The following NTRK2 variants were observed in gnomAD, a reference collection of about 807,000 sequenced individuals.
NTRK2 encodes BDNF/NT-3 growth factors receptor.
A neutral mutation model predicts 94.5 loss-of-function variants in NTRK2; 13 were observed. The observed-to-expected ratio is 0.14, with a 90% CI of 0.09 to 0.22. NTRK2 has a LOEUF of 0.22. Ranked by LOEUF, NTRK2 falls within the 10% of genes least tolerant of loss-of-function variation. The pLI is 1.00. For synonymous variants in NTRK2, 372 were observed against 407.4 expected, an observed-to-expected ratio of 0.91 and a Z score of 1.05; for missense variants, 639 against 1,071.2, an observed-to-expected ratio of 0.60 and a Z score of 5.63.
At chr9:84,957,991 A>G (rs896848080) in intron 17 of NTRK2, among the ~76,000 whole-genome samples, 15 of 152,228 alleles carry the variant, frequency 9.9e-5, no homozygotes, top group South Asian at 4.1e-4. Flanking sequence ...AGTCAGACAC[A>G]AAAGGCCACA....
intron 14 of NTRK2, among the ~76,000 whole-genome samples, chr9:84,910,115 C>T (rs1161397170): frequency 6.6e-6 from 1 of 152,102 alleles, no homozygotes; most frequent in East Asian, 1.9e-4. Context: ...TTTTTATACA[C>T]AATGTGAGAC....
intron 12 of NTRK2, among the ~76,000 whole-genome samples, chr9:84,800,445 C>G (rs1355472385): frequency 6.6e-6 from 1 of 152,188 alleles, no homozygotes; most frequent in Non-Finnish European, 1.5e-5. Flanking sequence ...AGGTGATCTG[C>G]CTGCCTCGGC....
chr9:84,821,776 C>T (rs1208423657), intron 12 of NTRK2, among the ~76,000 whole-genome samples: 5 of 149,488 alleles, frequency 3.3e-5, no homozygotes, highest in African/African-American at 4.9e-5. Flanking sequence ...CTGAAGGTTT[C>T]CTTATAATAT....
At chr9:84,967,030 T>C (rs1825633648) in intron 17 of NTRK2, among the ~76,000 whole-genome samples, 1 of 152,182 alleles carries the variant, frequency 6.6e-6, no homozygotes, top group South Asian at 2.1e-4. Context: ...AGAGCTTAGG[T>C]TCATTGAACC....
intron 17 of NTRK2, among the ~76,000 whole-genome samples, chr9:84,999,629 T>C (rs1483656028): frequency 3.9e-5 from 6 of 152,230 alleles, no homozygotes; most frequent in Non-Finnish European, 8.8e-5. Context: ...AAAAATCCTA[T>C]GTGGAAGAGA....
intron 12 of NTRK2, among the ~76,000 whole-genome samples, chr9:84,757,711 T>A (rs2065207097): frequency 6.6e-6 from 1 of 152,254 alleles, no homozygotes; most frequent in South Asian, 2.1e-4. Context: ...GTAATTGCTC[T>A]ATAAATATGT....
intron 16 of NTRK2, among the ~76,000 whole-genome samples, chr9:84,954,165 TGA>T (rs904507090): frequency 2.6e-5 from 4 of 152,240 alleles, no homozygotes; most frequent in African/African-American, 9.6e-5. Context: ...CAAAACGTCT[TGA>T]GAGAGATCTT....
intron 17 of NTRK2, among the ~76,000 whole-genome samples, chr9:85,004,798 G>A (rs146987304): frequency 9.3e-4 from 141 of 152,290 alleles, no homozygotes; most frequent in Non-Finnish European, 1.8e-3. Flanking sequence ...AAGGGTGACC[G>A]CCTTAGCAGT....
intron 12 of NTRK2, among the ~76,000 whole-genome samples, chr9:84,828,304 C>T (rs2073313805): frequency 6.6e-6 from 1 of 152,162 alleles, no homozygotes; most frequent in Non-Finnish European, 1.5e-5. Context: ...GTTGCCATGA[C>T]AACGCAGAAC....
intron 14 of NTRK2, chr9:84,873,098 T>C: frequency 9.4e-7 from 1 of 1,064,510 alleles, no homozygotes; most frequent in Non-Finnish European, 1.1e-6. Context: ...AGAGATTATC[T>C]GCAGACTTCA....
At chr9:84,964,928 T>C (rs1825378404) in intron 17 of NTRK2, among the ~76,000 whole-genome samples, 1 of 152,268 alleles carries the variant, frequency 6.6e-6, no homozygotes, top group Non-Finnish European at 1.5e-5. Flanking sequence ...CTCATCGCTT[T>C]AAGACAGTTA....
At chr9:84,826,326 T>A (rs187688560) in intron 12 of NTRK2, among the ~76,000 whole-genome samples, 113 of 152,302 alleles carry the variant, frequency 7.4e-4, no homozygotes, top group African/African-American at 2.4e-3. Flanking sequence ...TGCCTTCAGC[T>A]CGCCTTCTCC....
intron 6 of NTRK2, among the ~76,000 whole-genome samples, chr9:84,720,575 T>C (rs946717784): frequency 3.9e-5 from 6 of 152,198 alleles, no homozygotes; most frequent in Non-Finnish European, 8.8e-5. Flanking sequence ...GTGCGATGTT[T>C]CTAGTACCCC....
At chr9:84,883,794 T>G (rs1046122632) in intron 14 of NTRK2, among the ~76,000 whole-genome samples, 2 of 152,212 alleles carry the variant, frequency 1.3e-5, no homozygotes, top group African/African-American at 4.8e-5. Context: ...GTGGGTGAGA[T>G]TAGGCTCAAT....
At chr9:84,968,380 C>T (rs983801571) in intron 17 of NTRK2, among the ~76,000 whole-genome samples, 2 of 152,130 alleles carry the variant, frequency 1.3e-5, no homozygotes, top group East Asian at 1.9e-4. Context: ...GGACAGTGGC[C>T]CACTGTGCAG....
chr9:84,905,074 G>A (rs1279159406), intron 14 of NTRK2, among the ~76,000 whole-genome samples: 1 of 152,158 alleles, frequency 6.6e-6, no homozygotes, highest in African/African-American at 2.4e-5. Flanking sequence ...TGCAGTGGTG[G>A]CCACATTCAC....
At chr9:84,790,315 T>C (rs2068600974) in intron 12 of NTRK2, among the ~76,000 whole-genome samples, 1 of 152,196 alleles carries the variant, frequency 6.6e-6, no homozygotes, top group Non-Finnish European at 1.5e-5. Context: ...AAGGCAGTTA[T>C]TCAGTTGATT....
chr9:84,880,292 C>T (rs949188096), intron 14 of NTRK2, among the ~76,000 whole-genome samples: 4 of 152,146 alleles, frequency 2.6e-5, no homozygotes, highest in Non-Finnish European at 5.9e-5. Flanking sequence ...TTTCTGTAGG[C>T]AATGCTGGGA....
intron 17 of NTRK2, among the ~76,000 whole-genome samples, chr9:84,994,485 G>A (rs575552838): frequency 1.3e-5 from 2 of 152,328 alleles, no homozygotes; most frequent in East Asian, 3.9e-4. Context: ...AGGATGGTTT[G>A]GAGGCAGGTT....
Sources: allele counts gnomAD v4.1 joint callset (sites outside exome capture counted in the v4.1 genomes callset), GRCh38; gene constraint gnomAD v4.1.1; transcripts MANE v1.5; gene names NCBI Gene and HGNC (gene_info 2026-07-23, HGNC 2026-07-21).